Variants in RGL3 observed in about 807,000 individuals in gnomAD.
RGL3 encodes the protein ral guanine nucleotide dissociation stimulator-like 3.
RGL3 carries 85 observed loss-of-function variants against 90.6 expected under a neutral mutation model. The ratio of observed to expected loss-of-function variants is 0.94; its 90% CI spans 0.79 to 1.12. The LOEUF (loss-of-function observed/expected upper bound fraction) is 1.12, where lower values mean the gene tolerates loss of function less well. Ranked by LOEUF, RGL3 falls within the 50% of genes most tolerant of loss-of-function variation. The pLI, the probability that RGL3 is intolerant of heterozygous loss-of-function variation, is 0.00. For missense variants in RGL3, 1,034 were observed against 939.2 expected (o/e 1.10, Z -1.32); for synonymous variants, 408 against 385.5 (o/e 1.06, Z -0.68).
intron 13 of RGL3, among the ~76,000 whole-genome samples, chr19:11,400,668 A>G (rs1333323666): frequency 6.6e-6 from 1 of 151,900 alleles, no homozygotes; most frequent in Admixed American, 6.6e-5. Flanking sequence ...CCTGGCCAAT[A>G]TAGTGAAACC....
At chr19:11,408,013 G>T (rs536836426) in intron 5 of RGL3, among the ~76,000 whole-genome samples, 13 of 152,196 alleles carry the variant, frequency 8.5e-5, no homozygotes, top group Non-Finnish European at 1.8e-4. Context: ...GGTCACCCAG[G>T]CTGGAGTACA....
rs534796704 is a variant in RGL3, at chr19:11,415,988, A to G, written c.586T>C (p.Leu196=). 6.2e-7 allele frequency: 1 copy of G among 1,613,854 alleles called. No homozygotes were observed. Among genetic ancestry groups the G allele is most frequent in the South Asian group, 1.1e-5 (1 of 91,046 alleles). ...TCCTGCTCTCGCTCAGCCTCCTCCA[A>G]AAAATCTTCCAGAAGCTTCTCTGCT... ...QKAEKLLEDF[L]EEAEREQEEE... Residue 196 remains leucine, a synonymous_variant, in exon 5 of 19, where the codon TTG becomes CTG. Transcript: ENST00000380456.
chr19:11,411,903 C>T (rs995103588), intron 5 of RGL3, among the ~76,000 whole-genome samples: 4 of 152,220 alleles, frequency 2.6e-5, no homozygotes, highest in Non-Finnish European at 4.4e-5. Flanking sequence ...GCAGGAGCCT[C>T]TGCATCTGGC....
At chr19:11,414,528 T>TATATATATATATATATATAC in intron 5 of RGL3, among the ~76,000 whole-genome samples, 1 of 74,104 alleles carries the variant, frequency 1.3e-5, no homozygotes, top group Non-Finnish European at 2.6e-5. Context: ...TATATATATA[T>TATATATATATATATATATAC]ACCTTTATAT....
At chr19:11,396,959 C>T (rs113568621) in intron 18 of RGL3, among the ~76,000 whole-genome samples, 11 of 152,220 alleles carry the variant, frequency 7.2e-5, no homozygotes, top group East Asian at 1.9e-4. Context: ...TGAGCCACTG[C>T]GCCTGGCCGG....
In RGL3 at chr19:11,406,763, T is replaced by C. The variant is rs1968790346; in HGVS notation, c.739A>G (p.Ser247Gly). ...AGCTGCTCGGCCACCTCGTCCACGC[T>C]GAAGTCCAGGAGCTGGGGACCTTGA... ...MPQGPQLLDF[S>G]VDEVAEQLTL... Residue 247 changes from serine (S) to glycine (G), a missense_variant, in exon 6 of 19, where the codon AGC (serine) becomes GGC (glycine). Ser to Gly is a moderately conservative substitution (Grantham distance 56). Coordinates refer to ENST00000380456, the MANE Select transcript of RGL3 (RefSeq NM_001035223.4). 1 of 1,614,082 alleles carries C rather than the reference T, an allele frequency of 6.2e-7. No individual in the cohort carries two copies. Among genetic ancestry groups the C allele is most frequent in the East Asian group, 2.2e-5 (1 of 44,878 alleles).
chr19:11,408,215 T>C (rs1159954567), intron 5 of RGL3, among the ~76,000 whole-genome samples: 3 of 152,262 alleles, frequency 2.0e-5, no homozygotes, highest in Non-Finnish European at 4.4e-5. Context: ...ATCCTCCCTC[T>C]TGGCTTCCCA....
intron 1 of RGL3, 155 bp from the exon 2 acceptor site, chr19:11,418,939 T>A: frequency 1.5e-6 from 1 of 656,230 alleles, no homozygotes; most frequent in South Asian, 2.0e-5. Context: ...CCCAGGCTAG[T>A]CCCCTCCTCG....
At chr19:11,395,874 GCC>G in intron 18 of RGL3, among the ~76,000 whole-genome samples, 1 of 150,410 alleles carries the variant, frequency 6.6e-6, no homozygotes, top group African/African-American at 2.4e-5. Flanking sequence ...TGATCCACCC[GCC>G]TCGGCCTCCC....
chr19:11,415,773 T>C (rs546472623), intron 5 of RGL3, among the ~76,000 whole-genome samples, 164 bp downstream of exon 5: 76 of 152,164 alleles, frequency 5.0e-4, no homozygotes, highest in African/African-American at 1.8e-3. Context: ...CACGCCCGGC[T>C]GACAAAGAAT....
chr19:11,414,546 A>G (rs1430170199), intron 5 of RGL3, among the ~76,000 whole-genome samples: 1 of 91,388 alleles, frequency 1.1e-5, no homozygotes, highest in South Asian at 3.3e-4. Flanking sequence ...TATATATATA[A>G]ATAACTGAGA....
chr19:11,403,096 G>A (rs2144723555), intron 9 of RGL3, among the ~76,000 whole-genome samples: 1 of 151,834 alleles, frequency 6.6e-6, no homozygotes, highest in East Asian at 2.0e-4. Context: ...GTGCAGTGGC[G>A]CGATCTCGGC....
At chr19:11,416,209 C>G in intron 4 of RGL3, 61 bp from the exon 5 acceptor site, 1 of 1,099,826 alleles carries the variant, frequency 9.1e-7, no homozygotes, top group Non-Finnish European at 1.2e-6. Flanking sequence ...AATATGACTC[C>G]TGGTACCTTT....
At chr19:11,406,124 C>T (rs1308675142) in intron 7 of RGL3, among the ~76,000 whole-genome samples, 1 of 152,032 alleles carries the variant, frequency 6.6e-6, no homozygotes, top group African/African-American at 2.4e-5. Context: ...CCCTTCCTCC[C>T]TCCTCCCTCG....
At chr19:11,410,630 T>C (rs774417814) in intron 5 of RGL3, among the ~76,000 whole-genome samples, 18 of 151,864 alleles carry the variant, frequency 1.2e-4, no homozygotes, top group Non-Finnish European at 1.8e-4. Flanking sequence ...TGCAGTGAGC[T>C]GTGATCATGC....
At chr19:11,402,164 G>C (rs1568336803) in intron 12 of RGL3, 32 bp from the exon 13 acceptor site, 1 of 1,585,728 alleles carries the variant, frequency 6.3e-7, no homozygotes, top group Admixed American at 1.7e-5. Flanking sequence ...CCCTACCCCT[G>C]CCCCACCCCC....
chr19:11,418,489 G>T, intron 2 of RGL3, 182 bp downstream of exon 2: 2 of 577,238 alleles, frequency 3.5e-6, no homozygotes, highest in Non-Finnish European at 6.1e-6. Flanking sequence ...CCCATTCCCT[G>T]GATCTCCCCC....
intron 16 of RGL3, among the ~76,000 whole-genome samples, chr19:11,398,851 A>C (rs1302719771): frequency 1.3e-5 from 2 of 150,878 alleles, no homozygotes; most frequent in East Asian, 4.0e-4. Context: ...TTCTATTTTC[A>C]GTAGAGACAG....
rs984035160 is a variant in RGL3 at position 11,405,309 on chromosome 19, C to G, written c.1100+14G>C. ...CCTGGGATGGGCTGGGGAACAGGTCCCGCCCCAGCTCACCGGCTCACTGCC... is the reference window on the plus strand; with the variant it reads ...CCTGGGATGGGCTGGGGAACAGGTCGCGCCCCAGCTCACCGGCTCACTGCC... On this transcript the variant is annotated intron_variant, in intron 8 of 18. Coordinates refer to ENST00000380456, the MANE Select transcript of RGL3 (RefSeq NM_001035223.4). 2 of 1,612,364 alleles carry G rather than the reference C, an allele frequency of 1.2e-6. No homozygotes were observed. Among genetic ancestry groups the G allele is most frequent in the African/African-American group, 2.7e-5 (2 of 74,850 alleles).
Sources: allele counts gnomAD v4.1 joint callset (sites outside exome capture counted in the v4.1 genomes callset), GRCh38; gene constraint gnomAD v4.1.1; transcripts MANE v1.5; gene names NCBI Gene and HGNC (gene_info 2026-07-23, HGNC 2026-07-21).